Variants in AFAP1L2 observed in about 807,000 individuals in gnomAD.
AFAP1L2 encodes actin filament associated protein 1 like 2.
In AFAP1L2, 46 loss-of-function variants were observed where a neutral mutation model predicts 99.3. That is an observed-to-expected ratio of 0.46 (90% CI 0.37 to 0.59). The LOEUF is 0.59. Ranked by LOEUF, AFAP1L2 falls within the 20% of genes least tolerant of loss-of-function variation. The probability of loss-of-function intolerance (pLI) is 0.00; values close to 1 mark genes in which losing one functional copy is unlikely to be tolerated. For synonymous variants in AFAP1L2, 397 were observed against 419.1 expected (o/e 0.95, Z 0.64); for missense variants, 959 against 1,034.9 (o/e 0.93, Z 1.01).
intron 13 of AFAP1L2, among the ~76,000 whole-genome samples, chr10:114,301,131 G>C (rs568659315): frequency 1.3e-5 from 2 of 152,162 alleles, no homozygotes; most frequent in Non-Finnish European, 2.9e-5. Context: ...GGGGTTCACC[G>C]GTGTTTCATC....
chr10:114,384,333 C>G (rs534810642), intron 1 of AFAP1L2, among the ~76,000 whole-genome samples: 4 of 151,698 alleles, frequency 2.6e-5, no homozygotes, highest in Admixed American at 1.3e-4. Context: ...GTCCCCCCCC[C>G]GCTGCAAGTG....
At chr10:114,392,571 C>T (rs985986553) in intron 1 of AFAP1L2, among the ~76,000 whole-genome samples, 1 of 152,164 alleles carries the variant, frequency 6.6e-6, no homozygotes, top group Non-Finnish European at 1.5e-5. Flanking sequence ...CAGAAATATA[C>T]CGAATAAAGT....
chr10:114,291,391 C>T (rs1258689654), downstream of AFAP1L2: 33 of 852,060 alleles, frequency 3.9e-5, 1 homozygote, highest in Non-Finnish European at 5.6e-5. Flanking sequence ...CCACTATTCT[C>T]ACTGAGGGAG....
At chr10:114,283,253 A>ACAGG in the AFAP1L2 span, among the ~76,000 whole-genome samples, 61 of 152,034 alleles carry the variant, frequency 4.0e-4, no homozygotes, top group Admixed American at 3.5e-3. Flanking sequence ...AGTTAGACAC[A>ACAGG]CAGGCAGGGC....
At chr10:114,306,906 G>C (rs929785044) in intron 10 of AFAP1L2, among the ~76,000 whole-genome samples, 2 of 152,260 alleles carry the variant, frequency 1.3e-5, no homozygotes, top group South Asian at 4.1e-4. Context: ...GGAGAAGCCG[G>C]AGAATGCAAA....
intron 1 of AFAP1L2, among the ~76,000 whole-genome samples, chr10:114,354,237 G>C (rs11597084): frequency 0.096 from 14,582 of 152,214 alleles, 1,808 homozygotes; most frequent in African/African-American, 0.29. Flanking sequence ...AAGAGCAAAA[G>C]CCGCCACACA....
intron 11 of AFAP1L2, 79 bp from the exon 12 acceptor site, chr10:114,302,563 C>T (rs1029185460): frequency 2.0e-5 from 31 of 1,571,110 alleles, no homozygotes; most frequent in African/African-American, 5.4e-5. Context: ...AGGCCATGAC[C>T]GTACCCCTAC....
intron 1 of AFAP1L2, among the ~76,000 whole-genome samples, chr10:114,383,481 A>G (rs934956954): frequency 2.6e-5 from 4 of 152,162 alleles, no homozygotes; most frequent in South Asian, 2.1e-4. Flanking sequence ...GATAGATATT[A>G]TCATGGAGGG....
chr10:114,384,077 G>A (rs146245745), intron 1 of AFAP1L2, among the ~76,000 whole-genome samples: 102 of 152,248 alleles, frequency 6.7e-4, no homozygotes, highest in African/African-American at 2.1e-3. Flanking sequence ...TAAAAGGACC[G>A]GACCCTCTCA....
chr10:114,296,027 G>A lies in AFAP1L2; in HGVS notation c.*15C>T. 6.2e-7 allele frequency: 1 copy of A among 1,614,142 alleles called. No individual in the cohort carries two copies. The highest frequency in any genetic ancestry group is 1.1e-5 in the South Asian group (1 of 91,080). On this transcript the variant is annotated 3_prime_UTR_variant, in exon 19 of 19. Coordinates refer to ENST00000304129, the MANE Select transcript of AFAP1L2 (RefSeq NM_001001936.3). ...GTCCACATTGACATGAGAGTCTTTA[G>A]ATGAAGCTTGTTTTCTAACTTGCTC...
In AFAP1L2 at chr10:114,295,622, G is replaced by A; in HGVS notation, c.*420C>T. 9 of 998,836 alleles carry A rather than the reference G, an allele frequency of 9.0e-6. No individual in the cohort carries two copies. The South Asian group carries it at 4.0e-4, about 45-fold the overall frequency. The allele number at this position is 998,836 out of a possible 1,614,324, so 61.9% of individuals were successfully genotyped here. The stretch of plus-strand genomic sequence containing the variant: ...TGCTAAGTATTGGATAAGAGATGAT[G>A]GCCAGGAGTTTAGGTCTTCTCACTC... On this transcript the variant is annotated 3_prime_UTR_variant, in exon 19 of 19. Transcript: ENST00000304129.
At chr10:114,386,588 G>C (rs1237037763) in intron 1 of AFAP1L2, among the ~76,000 whole-genome samples, 2 of 152,176 alleles carry the variant, frequency 1.3e-5, no homozygotes, top group Non-Finnish European at 2.9e-5. Flanking sequence ...TAGAAGTTAG[G>C]AGAGGTGAGA....
At chr10:114,360,715 T>G (rs931605005) in intron 1 of AFAP1L2, among the ~76,000 whole-genome samples, 7 of 152,184 alleles carry the variant, frequency 4.6e-5, no homozygotes, top group African/African-American at 1.7e-4. Flanking sequence ...AGTTGGAAAT[T>G]AAACCATTTA....
intron 1 of AFAP1L2, 162 bp from the exon 2 acceptor site, chr10:114,340,893 A>G (rs1374340460): frequency 2.5e-5 from 24 of 965,694 alleles, no homozygotes; most frequent in African/African-American, 4.8e-5. Context: ...TGGGCAGAAG[A>G]TGGGATTCTC....
At chr10:114,344,884 A>G (rs7097131) in intron 1 of AFAP1L2, among the ~76,000 whole-genome samples, 26,727 of 151,910 alleles carry the variant, frequency 0.18, 2,759 homozygotes, top group African/African-American at 0.28. Flanking sequence ...ATCACCTGAG[A>G]TCAGGAGTTC....
At chr10:114,363,159 G>A (rs967025983) in intron 1 of AFAP1L2, 2 of 985,302 alleles carry the variant, frequency 2.0e-6, no homozygotes, top group African/African-American at 3.5e-5. Context: ...GCAGCAAACT[G>A]GGGAAACGGG....
In AFAP1L2 at chr10:114,333,198, C is replaced by T. The variant is rs377624229; in HGVS notation, c.220+23G>A. 3.4e-5 allele frequency: 54 copies of T among 1,604,808 alleles called. No homozygotes were observed. In the African/African-American group the frequency reaches 3.6e-4, roughly 11 times the overall value. On this transcript the variant is annotated intron_variant, in intron 3 of 18. Transcript: ENST00000304129. ...ATCCCAGGAGTGGCCATCATACCAG[C>T]GTCAGTGATCCCAGCCTCATACCTT...
intron 1 of AFAP1L2, among the ~76,000 whole-genome samples, chr10:114,404,144 G>T (rs2058500057): frequency 6.6e-6 from 1 of 152,154 alleles, no homozygotes; most frequent in South Asian, 2.1e-4. Context: ...GGAGTGGGGT[G>T]CCGGGCTCAC....
the AFAP1L2 span, chr10:114,289,041 C>T: frequency 3.7e-6 from 6 of 1,613,990 alleles, no homozygotes; most frequent in African/African-American, 8.0e-5. Context: ...GAAGCTGTGC[C>T]CTCCAGTTTG....
Sources: gnomAD v4.1 joint callset for allele counts (sites outside exome capture counted in the v4.1 genomes callset) on GRCh38, gnomAD v4.1.1 for gene constraint, MANE v1.5 for transcripts, NCBI Gene and HGNC (gene_info 2026-07-23, HGNC 2026-07-21) for gene names.